The following CGREF1 variants were observed in gnomAD, a reference collection of about 807,000 sequenced individuals.
CGREF1 encodes cell growth regulator with EF-hand domain 1, also known as cell growth regulator with EF hand domain protein 1.
A neutral mutation model predicts 17.4 loss-of-function variants in CGREF1; 16 were observed. The observed-to-expected ratio is 0.92, with a 90% confidence interval of 0.62 to 1.40. The LOEUF (loss-of-function observed/expected upper bound fraction) is 1.40. Ranked by LOEUF, CGREF1 falls within the 40% of genes most tolerant of loss-of-function variation. The pLI is 0.00. For synonymous variants in CGREF1, 142 were observed against 154.6 expected, an observed-to-expected ratio of 0.92 and a Z score of 0.61; for missense variants, 296 against 376.4, an observed-to-expected ratio of 0.79 and a Z score of 1.77.
intron 1 of CGREF1, among the ~76,000 whole-genome samples, chr2:27,111,953 C>A (rs564643248): frequency 7.2e-4 from 110 of 152,330 alleles, no homozygotes; most frequent in African/African-American, 2.6e-3. Flanking sequence ...TCAAGCGCGG[C>A]CAGAGTGGGC....
In CGREF1 at chr2:27,118,965, C is replaced by A; in HGVS notation, c.-131G>T. The A allele has an allele frequency of 6.6e-6, 1 of 152,116 alleles. No homozygotes were observed. The highest frequency in any genetic ancestry group is 1.8e-4 in the South Asian group (1 of 5,532). The allele number at this position is 152,116 out of a possible 1,614,324, so 9.4% of individuals were successfully genotyped here. On this transcript the variant is annotated 5_prime_UTR_variant, in exon 1 of 6. Transcript: ENST00000402394. ...CGGGCCGCTCCACGTGGCCGCTCCA[C>A]GTCGCCCTCCCGGCTGGAGCCGCCG...
intron 1 of CGREF1, among the ~76,000 whole-genome samples, chr2:27,112,914 G>T (rs1671443601): frequency 6.6e-6 from 1 of 152,218 alleles, no homozygotes; most frequent in Non-Finnish European, 1.5e-5. Flanking sequence ...CCCCAGAAGG[G>T]TGGGGTTCCA....
At chr2:27,104,679 A>G in intron 1 of CGREF1, 1 of 1,550,552 alleles carries the variant, frequency 6.4e-7, no homozygotes, top group Non-Finnish European at 8.7e-7. Context: ...CTAGGTGCCA[A>G]GGTGCCCAGA....
intron 1 of CGREF1, among the ~76,000 whole-genome samples, chr2:27,115,557 G>T (rs1671536535): frequency 6.6e-6 from 1 of 152,132 alleles, no homozygotes; most frequent in Non-Finnish European, 1.5e-5. Flanking sequence ...GCCTTTTAGT[G>T]TTATCCCTGT....
chr2:27,106,231 C>G (rs1260455690), intron 1 of CGREF1, among the ~76,000 whole-genome samples: 1 of 152,238 alleles, frequency 6.6e-6, no homozygotes, highest in Non-Finnish European at 1.5e-5. Flanking sequence ...TTCAAAAGCA[C>G]TGGGTTGGCA....
In CGREF1 at chr2:27,101,228, T is replaced by C. The variant is rs775751586; in HGVS notation, c.*46A>G. ...CATTTCCCCTGCCCACTTCAGGGCT[T>C]ATGTTCTGGCACTGAGACTTCGTGG... On this transcript the variant is annotated 3_prime_UTR_variant, in exon 6 of 6. Coordinates refer to ENST00000402394, the MANE Select transcript of CGREF1 (RefSeq NM_006569.6). The C allele has an allele frequency of 6.6e-7, 1 of 1,519,196 alleles. No homozygotes were observed. The highest frequency in any genetic ancestry group is 8.8e-7 in the Non-Finnish European group (1 of 1,134,930). 94.1% of individuals were successfully genotyped at this position (1,519,196 alleles called of 1,614,324 possible). A position where few individuals can be genotyped will look rare whatever the true frequency, so the allele number is the denominator to read the frequency against.
intron 1 of CGREF1, among the ~76,000 whole-genome samples, chr2:27,114,943 C>G (rs968733940): frequency 1.3e-5 from 2 of 152,160 alleles, no homozygotes; most frequent in African/African-American, 4.8e-5. Flanking sequence ...ACATGTTGCC[C>G]AGGCTGATTG....
At chr2:27,112,879 G>A (rs929954425) in intron 1 of CGREF1, among the ~76,000 whole-genome samples, 1 of 152,304 alleles carries the variant, frequency 6.6e-6, no homozygotes, top group South Asian at 2.1e-4. Context: ...AGGAATTGCC[G>A]CTAGTGTGTG....
chr2:27,108,634 C>G lies in CGREF1; in HGVS notation c.-11-4257G>C, dbSNP rs370481563. Among the ~76,000 whole-genome samples the G allele has an allele frequency of 1.6e-4, 25 of 152,062 alleles. No individual in the cohort carries two copies. In the East Asian group the frequency reaches 4.2e-3, roughly 26 times the overall value. On this transcript the variant is annotated intron_variant, in intron 1 of 5. Coordinates refer to ENST00000402394, the MANE Select transcript of CGREF1 (RefSeq NM_006569.6). ...AGAAAAAAAAAATTGTAAAAGCAGT[C>G]AGAAAGAAAAGACAAATCATCTCAT...
rs143096341 is a variant in CGREF1 at position 27,113,028 on chromosome 2, G to A, written c.-12+5818C>T. On this transcript the variant is annotated intron_variant, in intron 1 of 5. Coordinates refer to ENST00000402394, the MANE Select transcript of CGREF1 (RefSeq NM_006569.6). ...GCAGAGATGAGTGCCTTGTTTCCAG[G>A]AAGGTTAGAGAGAAGGCCCTGCCTA... 3.9e-5 allele frequency among the ~76,000 whole-genome samples: 6 copies of A among 152,280 alleles called. No individual in the cohort carries two copies. The East Asian group carries it at 1.2e-3, about 29-fold the overall frequency.
At chr2:27,104,672 G>T in intron 1 of CGREF1, 1 of 1,550,548 alleles carries the variant, frequency 6.4e-7, no homozygotes, top group Non-Finnish European at 8.7e-7. Flanking sequence ...CTCCCCACTA[G>T]GTGCCAAGGT....
intron 2 of CGREF1, chr2:27,103,210 G>A (rs947091157): frequency 4.4e-5 from 29 of 665,998 alleles, no homozygotes; most frequent in African/African-American, 2.9e-4. Context: ...GAGTTGCAGC[G>A]ACTTTTGTCA....
intron 1 of CGREF1, among the ~76,000 whole-genome samples, chr2:27,108,724 G>A (rs1318782531): frequency 6.6e-6 from 1 of 152,108 alleles, no homozygotes; most frequent in Non-Finnish European, 1.5e-5. Flanking sequence ...CAGTAATATA[G>A]TATTTTAATG....
chr2:27,108,500 T>G (rs1671224142), intron 1 of CGREF1, among the ~76,000 whole-genome samples: 2 of 152,100 alleles, frequency 1.3e-5, no homozygotes, highest in African/African-American at 4.8e-5. Context: ...ATTTTTCCAG[T>G]AGGTTGCAAA....
At chr2:27,099,772 A>AAAGT (rs1407259337), downstream of CGREF1, 8 of 1,612,152 alleles carry the variant, frequency 5.0e-6, no homozygotes, top group East Asian at 1.8e-4. Context: ...GGCTCCTCAC[A>AAAGT]CACCATGGAG....
At chr2:27,116,923 C>CTCTCTCTCTCTCTCTCTCTCTCTCTCTCT (rs1259106800) in intron 1 of CGREF1, among the ~76,000 whole-genome samples, 1 of 53,048 alleles carries the variant, frequency 1.9e-5, no homozygotes, top group Non-Finnish European at 3.6e-5. Flanking sequence ...CTCTCTCTCT[C>CTCTCTCTCTCTCTCTCTCTCTCTCTCTCT]TTTTTTTGAG....
At chr2:27,103,863 G>A (rs1373753975) in intron 2 of CGREF1, among the ~76,000 whole-genome samples, 2 of 152,040 alleles carry the variant, frequency 1.3e-5, no homozygotes, top group African/African-American at 2.4e-5. Context: ...GGCGCCTGTA[G>A]TCCCAGCTAC....
In CGREF1 at chr2:27,102,098, G is replaced by A. The variant is rs780050112; in HGVS notation, c.341C>T (p.Pro114Leu). 1.2e-5 allele frequency: 19 copies of A among 1,603,538 alleles called. No homozygotes were observed. Among genetic ancestry groups the A allele is most frequent in the South Asian group, 6.6e-5 (6 of 90,734 alleles). Reference sequence around the variant, plus strand: ...GGATCTCCATCCAGCAGAGCTTACCGGGTTGGTGGTAGGAGAGTTGGCAGC... The same window carrying A: ...GGATCTCCATCCAGCAGAGCTTACCAGGTTGGTGGTAGGAGAGTTGGCAGC... ...PGAANSPTTN[P>L]VILIVDKVLE... is the part of the protein sequence containing the mutation. The change falls in exon 5 of 6, where the codon CCG becomes CTG. Residue 114 changes from proline (P) to leucine (L), a missense_variant and splice_region_variant. Pro to Leu is a moderately conservative substitution (Grantham distance 98, BLOSUM62 -3). Coordinates refer to ENST00000402394, the MANE Select transcript of CGREF1 (RefSeq NM_006569.6).
In CGREF1 at chr2:27,102,527, C is replaced by T. The variant is rs752243090; in HGVS notation, c.145G>A (p.Gly49Arg). ...NPFQPGQEQL[G>R]LLQSYLKGLG... ...GCACCCCCGGCCCACCCTACTCACC[C>T]GAGCTGCTCCTGGCCTGGCTGGAAG... The change falls in exon 3 of 6, where the codon GGA becomes AGA. Residue 49 changes from glycine to arginine, a missense_variant and splice_region_variant. Transcript: ENST00000402394. 28 of 1,614,044 alleles carry T rather than the reference C, an allele frequency of 1.7e-5. No individual in the cohort carries two copies. Among genetic ancestry groups the T allele is most frequent in the Non-Finnish European group, 1.9e-5 (22 of 1,179,924 alleles).
Sources: allele counts gnomAD v4.1 joint callset (sites outside exome capture counted in the v4.1 genomes callset), GRCh38; gene constraint gnomAD v4.1.1; transcripts MANE v1.5; gene names NCBI Gene and HGNC (gene_info 2026-07-23, HGNC 2026-07-21).